CUL3: variants seen among roughly 807,000 people sequenced by gnomAD.
CUL3 encodes the protein cullin-3.
Under a neutral mutation model 89.1 loss-of-function variants are expected in CUL3, and 19 were observed. The observed-to-expected ratio is 0.21, with a 90% CI of 0.15 to 0.31. The LOEUF (loss-of-function observed/expected upper bound fraction) is 0.31. Among genes scored for constraint, CUL3 ranks in the 10% least tolerant of loss-of-function variants. The probability of loss-of-function intolerance (pLI) is 1.00; values close to 1 mark genes in which losing one functional copy is unlikely to be tolerated. For synonymous variants in CUL3, 351 were observed against 308.4 expected (o/e 1.14, Z -1.45); for missense variants, 469 against 942.3 (o/e 0.50, Z 6.58).
At chr2:224,550,267 C>CACATAGCCTGAGGGT (rs1405126651) in intron 2 of CUL3, among the ~76,000 whole-genome samples, 15 of 152,118 alleles carry the variant, frequency 9.9e-5, no homozygotes, top group Admixed American at 3.3e-4. Context: ...ACACCTTATA[C>CACATAGCCTGAGGGT]ACATAGCCTG....
chr2:224,576,593 T>C (rs1161017952), intron 1 of CUL3, among the ~76,000 whole-genome samples: 1 of 141,590 alleles, frequency 7.1e-6, no homozygotes, highest in African/African-American at 2.6e-5. Context: ...CACTAACCAC[T>C]CACACTATGC....
chr2:224,544,682 A>G (rs1264964467), intron 2 of CUL3, among the ~76,000 whole-genome samples: 1 of 151,340 alleles, frequency 6.6e-6, no homozygotes, highest in East Asian at 1.9e-4. Flanking sequence ...TAATTCTTAA[A>G]GATTTCAAAA....
chr2:224,505,850 G>C (rs1466346396), intron 8 of CUL3, 106 bp downstream of exon 8: 1 of 701,328 alleles, frequency 1.4e-6, no homozygotes, highest in Non-Finnish European at 2.2e-6. Flanking sequence ...TTTAAGCACA[G>C]CAATGGGTCA....
At chr2:224,511,332 T>C in intron 6 of CUL3, 22 bp downstream of exon 6, 1 of 1,504,154 alleles carries the variant, frequency 6.6e-7, no homozygotes, top group Non-Finnish European at 9.1e-7. Flanking sequence ...GATTTAATTA[T>C]TTTTCAATCG....
At chr2:224,509,039 T>C (rs1200064397) in intron 6 of CUL3, among the ~76,000 whole-genome samples, 1 of 152,160 alleles carries the variant, frequency 6.6e-6, no homozygotes, top group Non-Finnish European at 1.5e-5. Flanking sequence ...TTATCCTCCA[T>C]TCACAGTGAG....
chr2:224,514,590 A>G, intron 4 of CUL3, 22 bp downstream of exon 4: 1 of 1,587,910 alleles, frequency 6.3e-7, no homozygotes, highest in South Asian at 1.1e-5. Context: ...CAAAACCACA[A>G]GAGTAAAGAG....
At chr2:224,506,455 G>A (rs1574638685) in intron 7 of CUL3, among the ~76,000 whole-genome samples, 1 of 152,110 alleles carries the variant, frequency 6.6e-6, no homozygotes, top group African/African-American at 2.4e-5. Flanking sequence ...AAAAAAAGCT[G>A]ATTATGTTAA....
chr2:224,554,453 A>AT (rs1694630154), intron 2 of CUL3, among the ~76,000 whole-genome samples: 1 of 152,208 alleles, frequency 6.6e-6, no homozygotes, highest in African/African-American at 2.4e-5. Context: ...GAATTTCAGC[A>AT]TACTACAACT....
At chr2:224,584,221 C>A (rs914061701) in intron 1 of CUL3, among the ~76,000 whole-genome samples, 6 of 152,206 alleles carry the variant, frequency 3.9e-5, no homozygotes, top group African/African-American at 1.4e-4. Flanking sequence ...TACACTCATT[C>A]TTTGGGCTCC....
intron 1 of CUL3, among the ~76,000 whole-genome samples, chr2:224,566,265 G>A (rs1217064522): frequency 6.6e-6 from 1 of 152,140 alleles, no homozygotes; most frequent in Non-Finnish European, 1.5e-5. Flanking sequence ...AACCAATCCG[G>A]AAAAAGAGTT....
In CUL3 at chr2:224,513,559, C is replaced by T; in HGVS notation, c.619G>A (p.Ala207Thr). The stretch of plus-strand genomic sequence containing the variant: ...TCTGCAGACATTTCCAAAAAAGGAG[C>T]CTCAAAATCTTCTTCATAGACTGAT... Reference protein sequence around the residue: ...GRSVYEEDFEAPFLEMSAEFF... With the variant: ...GRSVYEEDFETPFLEMSAEFF... The change falls in exon 5 of 16, where the codon GCT becomes ACT. Residue 207 changes from alanine (A) to threonine (T), a missense_variant. Around this residue, in one of 4 missense-constraint regions of CUL3, gnomAD observed 370 missense variants for 733.2 expected, o/e 0.50. Transcript: ENST00000264414. 1.3e-6 allele frequency: 2 copies of T among 1,597,624 alleles called. No individual in the cohort carries two copies. The highest frequency in any genetic ancestry group is 1.7e-6 in the Non-Finnish European group (2 of 1,175,660).
intron 15 of CUL3, 139 bp downstream of exon 15, chr2:224,478,057 AAGTG>A: frequency 4.2e-6 from 3 of 721,892 alleles, no homozygotes; most frequent in Non-Finnish European, 6.3e-6. Flanking sequence ...TTTAGTTACC[AAGTG>A]AGTGCCATAC....
At chr2:224,514,410 A>T (rs1692955742) in intron 4 of CUL3, among the ~76,000 whole-genome samples, 1 of 152,238 alleles carries the variant, frequency 6.6e-6, no homozygotes, top group Admixed American at 6.5e-5. Flanking sequence ...AGCTTAGGAT[A>T]GTCTCTTCTA....
chr2:224,526,227 C>T (rs1433110931), intron 3 of CUL3, among the ~76,000 whole-genome samples: 2 of 152,196 alleles, frequency 1.3e-5, no homozygotes, highest in Non-Finnish European at 2.9e-5. Context: ...CTCCAAACTT[C>T]CCATATACAT....
At chr2:224,568,915 G>C (rs903248620) in intron 1 of CUL3, among the ~76,000 whole-genome samples, 1 of 152,128 alleles carries the variant, frequency 6.6e-6, no homozygotes, top group African/African-American at 2.4e-5. Flanking sequence ...TTACTAATGA[G>C]CTTTAATCTT....
chr2:224,508,415 A>T (rs1692684377), intron 6 of CUL3, among the ~76,000 whole-genome samples: 1 of 152,190 alleles, frequency 6.6e-6, no homozygotes, highest in South Asian at 2.1e-4. Context: ...CAAATGCAAC[A>T]ATCTATGGAC....
rs1049203594 is a variant in CUL3 at position 224,474,139 on chromosome 2, T to C, written c.*106A>G. On this transcript the variant is annotated 3_prime_UTR_variant, in exon 16 of 16. Coordinates refer to ENST00000264414, the MANE Select transcript of CUL3 (RefSeq NM_003590.5). Reference sequence around the variant, plus strand: ...TCTCAATGGTCTAGAACATGTACTGTAATTTAATAGAAGAGATGGTCGTCT... The same window carrying C: ...TCTCAATGGTCTAGAACATGTACTGCAATTTAATAGAAGAGATGGTCGTCT... The C allele has an allele frequency of 1.0e-5, 12 of 1,193,094 alleles. No homozygotes were observed. The highest frequency in any genetic ancestry group is 1.4e-5 in the Non-Finnish European group (12 of 854,100). 73.9% of individuals were successfully genotyped at this position (1,193,094 alleles called of 1,614,324 possible).
intron 13 of CUL3, among the ~76,000 whole-genome samples, chr2:224,488,157 A>C (rs942229121): frequency 6.6e-6 from 1 of 152,336 alleles, no homozygotes; most frequent in East Asian, 1.9e-4. Flanking sequence ...AAAGATCTAA[A>C]ATTGACACCC....
At chr2:224,584,830 T>A in intron 1 of CUL3, 114 bp downstream of exon 1, 1 of 588,822 alleles carries the variant, frequency 1.7e-6, no homozygotes, top group Non-Finnish European at 2.3e-6. Flanking sequence ...CCGGCGGGCG[T>A]GGGGGAGGGG....
Sources: allele counts gnomAD v4.1 joint callset (sites outside exome capture counted in the v4.1 genomes callset), GRCh38; gene constraint gnomAD v4.1.1; regional missense constraint gnomAD v4.1.1; transcripts MANE v1.5; gene names NCBI Gene and HGNC (gene_info 2026-07-23, HGNC 2026-07-21).